SLC35F1: variants seen among roughly 807,000 people sequenced by gnomAD.
The protein encoded by SLC35F1 is chromosome 6 open reading frame 169.
SLC35F1 carries 14 observed loss-of-function variants against 48.7 expected under a neutral mutation model. That is an observed-to-expected ratio of 0.29 (90% CI 0.19 to 0.45). The LOEUF is 0.45. Ranked by LOEUF, SLC35F1 falls within the 20% of genes least tolerant of loss-of-function variation. The probability of loss-of-function intolerance (pLI) is 1.00; values close to 1 mark genes in which losing one functional copy is unlikely to be tolerated. For missense variants in SLC35F1, 404 were observed against 500.0 expected, an observed-to-expected ratio of 0.81 and a Z score of 1.83; for synonymous variants, 190 against 202.2, an observed-to-expected ratio of 0.94 and a Z score of 0.51.
intron 1 of SLC35F1, among the ~76,000 whole-genome samples, chr6:117,908,403 C>G (rs1775722630): frequency 6.6e-6 from 1 of 152,248 alleles, no homozygotes; most frequent in Non-Finnish European, 1.5e-5. Context: ...CAGCGACAGC[C>G]TAGCAGGCGG....
chr6:118,061,584 G>GTA (rs1358869588), intron 1 of SLC35F1, among the ~76,000 whole-genome samples: 42 of 87,416 alleles, frequency 4.8e-4, no homozygotes, highest in Admixed American at 2.9e-3. Flanking sequence ...GTGTGTGTGT[G>GTA]TGTGTGTATA....
intron 1 of SLC35F1, among the ~76,000 whole-genome samples, chr6:118,051,098 G>A (rs895902765): frequency 1.3e-5 from 2 of 152,140 alleles, no homozygotes; most frequent in Non-Finnish European, 2.9e-5. Flanking sequence ...TGCTAAATAA[G>A]TGTAGGAAAT....
chr6:117,961,004 G>A (rs921701029), intron 1 of SLC35F1, among the ~76,000 whole-genome samples: 6 of 151,928 alleles, frequency 3.9e-5, no homozygotes, highest in Admixed American at 3.9e-4. Context: ...ACTTAACATA[G>A]TATTACAATA....
rs372227532 is a variant in SLC35F1, at chr6:117,923,659, GTA to G, written c.173+15767_173+15768del. On this transcript the variant is annotated intron_variant, in intron 1 of 7. Coordinates refer to ENST00000360388, the MANE Select transcript of SLC35F1 (RefSeq NM_001029858.4). ...TGTACATATGTACATATGTACATAT[GTA>G]TATATACATATATGTACATATATAC... 7.2e-3 allele frequency among the ~76,000 whole-genome samples: 209 copies of G among 28,846 alleles called. 53 individuals carry two copies. Among genetic ancestry groups the G allele is most frequent in the Middle Eastern group, 0.029 (1 of 34 alleles). The allele number at this position is 28,846 out of a possible 152,430, so 18.9% of individuals were successfully genotyped here.
At chr6:118,266,553 AAAACATT>A (rs1249712023) in intron 3 of SLC35F1, among the ~76,000 whole-genome samples, 7 of 152,334 alleles carry the variant, frequency 4.6e-5, no homozygotes, top group African/African-American at 1.4e-4. Context: ...AATAATTCAT[AAAACATT>A]ATAAGACCTC....
In SLC35F1 at chr6:118,120,495, G is replaced by A. The variant is rs188779419; in HGVS notation, c.174-33950G>A. On this transcript the variant is annotated intron_variant, in intron 1 of 7. Transcript: ENST00000360388. ...TTTATAGCTGTATATGTAAACTTAG[G>A]AGGGAAAGATTTGGTCATGTTACCC... 1.6e-3 allele frequency among the ~76,000 whole-genome samples: 251 copies of A among 152,244 alleles called. 1 individual carries two copies. The highest frequency in any genetic ancestry group is 5.4e-3 in the South Asian group (26 of 4,830).
intron 1 of SLC35F1, among the ~76,000 whole-genome samples, chr6:117,971,197 G>A (rs745573566): frequency 6.6e-6 from 1 of 152,198 alleles, no homozygotes; most frequent in African/African-American, 2.4e-5. Flanking sequence ...CAGGCCTCGT[G>A]CAAGTCCGAA....
chr6:118,243,444 A>G lies in SLC35F1; in HGVS notation c.477+7808A>G, dbSNP rs142712262. On this transcript the variant is annotated intron_variant, in intron 3 of 7. Coordinates refer to ENST00000360388, the MANE Select transcript of SLC35F1 (RefSeq NM_001029858.4). ...GCCTGGGCAACATAGCAGGACCCCA[A>G]TTCTACAAAAAGAAATGCCTTAGCT... is the stretch of plus-strand genomic sequence containing the variant. 6.8e-4 allele frequency among the ~76,000 whole-genome samples: 104 copies of G among 152,304 alleles called. 1 individual carries two copies. The highest frequency in any genetic ancestry group is 3.4e-3 in the Middle Eastern group (1 of 294).
In SLC35F1 at chr6:117,966,131, G is replaced by GCCCCCCCCCCCC. The variant is rs35420310; in HGVS notation, c.173+58243_173+58244insCCCCCCCCCCCC. On this transcript the variant is annotated intron_variant, in intron 1 of 7. Transcript: ENST00000360388. ...AATAAGGGAATAAAAGCAGGCCACC[G>GCCCCCCCCCCCC]CCCCCCCCCCCACTCCCGCCCCGCC... 4.5e-4 allele frequency among the ~76,000 whole-genome samples: 46 copies of GCCCCCCCCCCCC among 101,158 alleles called. 4 individuals carry two copies. The highest frequency in any genetic ancestry group is 6.1e-4 in the Non-Finnish European group (30 of 49,150). The allele number at this position is 101,158 out of a possible 152,430, so 66.4% of individuals were successfully genotyped here.
intron 2 of SLC35F1, among the ~76,000 whole-genome samples, chr6:118,168,152 C>T (rs913721614): frequency 1.3e-5 from 2 of 152,138 alleles, no homozygotes; most frequent in African/African-American, 4.8e-5. Flanking sequence ...TCACCTCTTG[C>T]CCCAACTATC....
At chr6:118,037,109 A>G (rs535302705) in intron 1 of SLC35F1, among the ~76,000 whole-genome samples, 1 of 152,182 alleles carries the variant, frequency 6.6e-6, no homozygotes, top group Non-Finnish European at 1.5e-5. Context: ...TCTGATATTA[A>G]TATAGCAACT....
At chr6:117,933,026 T>C in intron 1 of SLC35F1, among the ~76,000 whole-genome samples, 1 of 152,234 alleles carries the variant, frequency 6.6e-6, no homozygotes, top group East Asian at 1.9e-4. Context: ...GACTTCTGCT[T>C]TTTATGCTTC....
At chr6:118,032,604 G>C (rs776074682) in intron 1 of SLC35F1, among the ~76,000 whole-genome samples, 1 of 152,080 alleles carries the variant, frequency 6.6e-6, no homozygotes, top group African/African-American at 2.4e-5. Context: ...ACAATATGCT[G>C]TTTCTCTTCC....
Position 118,242,497 on chromosome 6 carries a change from G to A in SLC35F1, c.477+6861G>A, listed in dbSNP as rs60331078. 9.9e-3 allele frequency among the ~76,000 whole-genome samples: 1,511 copies of A among 152,316 alleles called. 26 individuals carry two copies. Among genetic ancestry groups the A allele is most frequent in the African/African-American group, 0.035 (1,437 of 41,574 alleles). On this transcript the variant is annotated intron_variant, in intron 3 of 7. Transcript: ENST00000360388. ...TTATTAGAAAGTAAAAAGAGAGGTG[G>A]TAGCATTATCATGTTGGATTTATAA...
intron 1 of SLC35F1, among the ~76,000 whole-genome samples, chr6:117,967,600 T>C (rs1459402736): frequency 6.6e-6 from 1 of 152,228 alleles, no homozygotes; most frequent in African/African-American, 2.4e-5. Flanking sequence ...TACTCTTGTT[T>C]CTAAAGTGAA....
chr6:117,942,635 A>G (rs1776246582), intron 1 of SLC35F1, among the ~76,000 whole-genome samples: 1 of 152,208 alleles, frequency 6.6e-6, no homozygotes, highest in African/African-American at 2.4e-5. Context: ...TAACGATTAT[A>G]GCTTCTGTTA....
chr6:118,177,659 CA>C (rs1319177304), intron 2 of SLC35F1, among the ~76,000 whole-genome samples: 1 of 151,974 alleles, frequency 6.6e-6, no homozygotes, highest in Non-Finnish European at 1.5e-5. Flanking sequence ...TGACTGGTTA[CA>C]AATTACAGAA....
chr6:118,257,410 G>A lies in SLC35F1; in HGVS notation c.478-9585G>A, dbSNP rs116082587. The stretch of plus-strand genomic sequence containing the variant: ...CAAGACCTGAAGACCATTTCCCCCA[G>A]GATATCTGGCTAAGAAAGTTGAGGC... On this transcript the variant is annotated intron_variant, in intron 3 of 7. Coordinates refer to ENST00000360388, the MANE Select transcript of SLC35F1 (RefSeq NM_001029858.4). 1.5e-3 allele frequency among the ~76,000 whole-genome samples: 223 copies of A among 152,280 alleles called. 1 individual carries two copies. The highest frequency in any genetic ancestry group is 5.1e-3 in the African/African-American group (212 of 41,554).
At chr6:118,137,398 C>A (rs1773812521) in intron 1 of SLC35F1, among the ~76,000 whole-genome samples, 1 of 152,154 alleles carries the variant, frequency 6.6e-6, no homozygotes, top group South Asian at 2.1e-4. Flanking sequence ...TTTCACAAGA[C>A]AAATTGAATC....
Sources: gnomAD v4.1 joint callset for allele counts (sites outside exome capture counted in the v4.1 genomes callset) on GRCh38, gnomAD v4.1.1 for gene constraint, MANE v1.5 for transcripts, NCBI Gene and HGNC (gene_info 2026-07-23, HGNC 2026-07-21) for gene names.